TMPRSS6: variants seen among roughly 807,000 people sequenced by gnomAD.
The protein encoded by TMPRSS6 is transmembrane protease serine 6.
TMPRSS6 carries 67 observed loss-of-function variants against 101.5 expected under a neutral mutation model. The observed-to-expected ratio is 0.66, with a 90% CI of 0.54 to 0.81. The LOEUF (loss-of-function observed/expected upper bound fraction) is 0.81, where lower values mean the gene tolerates loss of function less well. TMPRSS6 is among the 30% of genes least tolerant of loss of function. TMPRSS6 has a pLI of 0.00. For synonymous variants in TMPRSS6, 453 were observed against 464.9 expected, an observed-to-expected ratio of 0.97 and a Z score of 0.33; for missense variants, 1,034 against 1,088.7, an observed-to-expected ratio of 0.95 and a Z score of 0.71.
intron 1 of TMPRSS6, among the ~76,000 whole-genome samples, chr22:37,107,263 G>A (rs1255267932): frequency 6.6e-6 from 1 of 152,184 alleles, no homozygotes; most frequent in Non-Finnish European, 1.5e-5. Flanking sequence ...GCCAGGCTCT[G>A]TGGTGGCGAC....
chr22:37,078,970 A>AG (rs1928000572), intron 10 of TMPRSS6, among the ~76,000 whole-genome samples: 3 of 25,306 alleles, frequency 1.2e-4, no homozygotes, highest in Admixed American at 9.3e-4. Context: ...AAAGAAAGAA[A>AG]GAAAAAGAAA....
At position 37,089,562 on chromosome 22, in the gene TMPRSS6, C is replaced by CCCA; in HGVS notation, c.836+15_836+16insTGG. On this transcript the variant is annotated intron_variant, in intron 7 of 17. Transcript: ENST00000676104. The stretch of plus-strand genomic sequence containing the variant: ...TTTTCCAGCCCTCCCTCCTGCCCTC[C>CCCA]TTCCCAGGGACTCACGAGGTGATGA... 1 of 1,595,688 alleles carries CCCA rather than the reference C, an allele frequency of 6.3e-7. No homozygotes were observed. Among genetic ancestry groups the CCCA allele is most frequent in the African/African-American group, 1.3e-5 (1 of 74,634 alleles).
At chr22:37,081,569 T>A (rs918927542) in intron 10 of TMPRSS6, among the ~76,000 whole-genome samples, 1 of 152,056 alleles carries the variant, frequency 6.6e-6, no homozygotes, top group African/African-American at 2.4e-5. Context: ...AGGGGGTGCA[T>A]CTAGGGATCC....
At position 37,070,523 on chromosome 22, in the gene TMPRSS6, C is replaced by T. The variant is rs139200226; in HGVS notation, c.1802G>A (p.Arg601His). ...HICGGALIAD[R>H]WVITAAHCFQ... ...GCAGTGGGCAGCTGTTATCACCCAG[C>T]GGTCAGCGATGAGGGCCCCCCCACA... The change falls in exon 15 of 18, where the codon CGC becomes CAC. Residue 601 changes from arginine to histidine, a missense_variant. Transcript: ENST00000676104. 8.4e-5 allele frequency: 136 copies of T among 1,613,444 alleles called. No individual in the cohort carries two copies. In the African/African-American group the frequency reaches 1.5e-3, roughly 18 times the overall value.
intron 13 of TMPRSS6, among the ~76,000 whole-genome samples, chr22:37,073,061 TGATG>T (rs569666222): frequency 6.3e-4 from 84 of 133,772 alleles, no homozygotes; most frequent in African/African-American, 1.8e-3. Flanking sequence ...GATGGATGGA[TGATG>T]GATGGATGGA....
chr22:37,078,968 AAAGAAAAAGAAAG>A (rs1927999295), intron 10 of TMPRSS6, among the ~76,000 whole-genome samples: 1 of 72,312 alleles, frequency 1.4e-5, no homozygotes, highest in Non-Finnish European at 3.1e-5. Flanking sequence ...AGAAAGAAAG[AAAGAAAAAGAAAG>A]AAAGAAAGAA....
chr22:37,087,487 G>A (rs1462835004), intron 7 of TMPRSS6, among the ~76,000 whole-genome samples: 2 of 152,196 alleles, frequency 1.3e-5, no homozygotes, highest in Non-Finnish European at 2.9e-5. Flanking sequence ...AACCCCAAGG[G>A]TCTCCCTGGG....
At chr22:37,104,032 C>T (rs377038192) in intron 1 of TMPRSS6, among the ~76,000 whole-genome samples, 47 of 152,272 alleles carry the variant, frequency 3.1e-4, no homozygotes, top group East Asian at 1.7e-3. Flanking sequence ...ATATTCATTT[C>T]GTGCCCTCAT....
chr22:37,086,774 C>G (rs561798360), intron 7 of TMPRSS6, among the ~76,000 whole-genome samples: 5 of 152,104 alleles, frequency 3.3e-5, no homozygotes, highest in Non-Finnish European at 7.4e-5. Flanking sequence ...CCTAGCGTCC[C>G]TGGCAGGAAG....
rs61496676 is a variant in TMPRSS6, at chr22:37,073,346, AGATGGATG to A, written c.1555+178_1555+185del. Among the ~76,000 whole-genome samples, 1,232 of 140,918 alleles carry A rather than the reference AGATGGATG, an allele frequency of 8.7e-3. 4 individuals are homozygous for A. The highest frequency in any genetic ancestry group is 0.012 in the Non-Finnish European group (803 of 64,866). 92.4% of individuals were successfully genotyped at this position (140,918 alleles called of 152,430 possible). A position where few individuals can be genotyped will look rare whatever the true frequency, so the allele number is the denominator to read the frequency against. ...GGACAGACGGTGATTGGAGACCAGA[AGATGGATG>A]GATGGATGGATGGATGGATGGATGG... On this transcript the variant is annotated intron_variant, in intron 13 of 17. Coordinates refer to ENST00000676104, the MANE Select transcript of TMPRSS6 (RefSeq NM_001374504.1).
At chr22:37,067,664 CAACT>C (rs1308289235) in intron 16 of TMPRSS6, among the ~76,000 whole-genome samples, 1 of 152,136 alleles carries the variant, frequency 6.6e-6, no homozygotes, top group Non-Finnish European at 1.5e-5. Flanking sequence ...TGCAGTGCCC[CAACT>C]CTGCAGTCTG....
At position 37,070,565 on chromosome 22, in the gene TMPRSS6, AC is replaced by A; in HGVS notation, c.1759del (p.Val587PhefsTer17). 6.2e-7 allele frequency: 1 copy of A among 1,613,204 alleles called. No individual in the cohort carries two copies. Among genetic ancestry groups the A allele is most frequent in the Non-Finnish European group, 8.5e-7 (1 of 1,179,992 alleles). Reference sequence around the variant, plus strand: ...CCCCCCACAGATGTGTCGACCCCGAACCTGGAGGCTGGCCTGCCATGGCCAC... The same window carrying A: ...CCCCCCACAGATGTGTCGACCCCGAACTGGAGGCTGGCCTGCCATGGCCAC... ...GEWPWQASLQ[V>X]RGRHICGGAL... On this transcript the variant is annotated frameshift_variant, in exon 15 of 18. Transcript: ENST00000676104. LOFTEE classifies it high-confidence loss of function.
intron 13 of TMPRSS6, among the ~76,000 whole-genome samples, chr22:37,072,484 T>TA (rs1927122486): frequency 1.8e-5 from 1 of 54,794 alleles, no homozygotes; most frequent in Non-Finnish European, 3.5e-5. Flanking sequence ...GATGGATGGA[T>TA]GATGGATGAT....
intron 1 of TMPRSS6, among the ~76,000 whole-genome samples, chr22:37,105,038 A>G (rs962258699): frequency 6.6e-5 from 10 of 151,898 alleles, no homozygotes; most frequent in African/African-American, 1.7e-4. Flanking sequence ...GTATCTTGGG[A>G]TTTTACACAG....
In TMPRSS6 at chr22:37,089,589, C is replaced by T; in HGVS notation, c.825G>A (p.Arg275=). The part of the protein sequence containing the change: ...MYDVAGPLEK[R]LITSVYGCSR... Reference sequence around the variant, plus strand: ...TCCCAGGGACTCACGAGGTGATGAGCCTCTTCTCCAGGGGCCCGGCCACGT... The same window carrying T: ...TCCCAGGGACTCACGAGGTGATGAGTCTCTTCTCCAGGGGCCCGGCCACGT... The change falls in exon 7 of 18, where the codon AGG becomes AGA. Residue 275 remains arginine (R), a synonymous_variant. Coordinates refer to ENST00000676104, the MANE Select transcript of TMPRSS6 (RefSeq NM_001374504.1). The T allele has an allele frequency of 6.6e-7, 1 of 1,516,912 alleles. No homozygotes were observed. Among genetic ancestry groups the T allele is most frequent in the Non-Finnish European group, 8.9e-7 (1 of 1,117,482 alleles). The allele number at this position is 1,516,912 out of a possible 1,614,324, so 94.0% of individuals were successfully genotyped here.
At chr22:37,090,168 G>A (rs534248159) in intron 6 of TMPRSS6, among the ~76,000 whole-genome samples, 5 of 152,222 alleles carry the variant, frequency 3.3e-5, no homozygotes, top group South Asian at 4.1e-4. Flanking sequence ...GGGTCCCTGC[G>A]TGAGCAAAGA....
At position 37,089,793 on chromosome 22, in the gene TMPRSS6, G is replaced by C. The variant is rs772549280; in HGVS notation, c.632-11C>G. 1.9e-6 allele frequency: 3 copies of C among 1,609,664 alleles called. No individual in the cohort carries two copies. The South Asian group carries it at 3.3e-5, about 18-fold the overall frequency. On this transcript the variant is annotated splice_polypyrimidine_tract_variant and intron_variant, in intron 6 of 17. Transcript: ENST00000676104. ...TGTAGCGGTAACAACCTGGAGCGGG[G>C]AGAGGGGCACAGCCCCTGATTCCTG...
chr22:37,090,067 A>G (rs1450894132), intron 6 of TMPRSS6, among the ~76,000 whole-genome samples: 1 of 152,232 alleles, frequency 6.6e-6, no homozygotes, highest in East Asian at 1.9e-4. Context: ...GGGGACATGG[A>G]TGACAGCGGG....
At position 37,102,471 on chromosome 22, in the gene TMPRSS6, G is replaced by A. The variant is rs186580790; in HGVS notation, c.202+745C>T. 5.3e-5 allele frequency among the ~76,000 whole-genome samples: 8 copies of A among 152,336 alleles called. No homozygotes were observed. In the East Asian group the frequency reaches 1.5e-3, roughly 29 times the overall value. On this transcript the variant is annotated intron_variant, in intron 2 of 17. Coordinates refer to ENST00000676104, the MANE Select transcript of TMPRSS6 (RefSeq NM_001374504.1). ...CCACTGTCAAAGGCAGAAGGAAGAG[G>A]AGAGACTCCATCAATCTTAGAGAAA...
Sources: gnomAD v4.1 joint callset for allele counts (sites outside exome capture counted in the v4.1 genomes callset) on GRCh38, gnomAD v4.1.1 for gene constraint, MANE v1.5 for transcripts, NCBI Gene and HGNC (gene_info 2026-07-23, HGNC 2026-07-21) for gene names.